TNR: variants seen among roughly 807,000 people sequenced by gnomAD.
TNR encodes tenascin-R.
A neutral mutation model predicts 150.4 loss-of-function variants in TNR; 45 were observed. The ratio of observed to expected loss-of-function variants is 0.30; its 90% CI spans 0.24 to 0.38. The LOEUF (loss-of-function observed/expected upper bound fraction) is 0.38. Ranked by LOEUF, TNR falls within the 10% of genes least tolerant of loss-of-function variation. TNR has a pLI of 1.00. For missense variants in TNR, 1,544 were observed against 1,759.1 expected (o/e 0.88, Z 2.19); for synonymous variants, 687 against 678.4 (o/e 1.01, Z -0.20).
intron 1 of TNR, among the ~76,000 whole-genome samples, chr1:175,662,396 C>T (rs569212746): frequency 1.1e-3 from 170 of 152,112 alleles, no homozygotes; most frequent in African/African-American, 4.0e-3. Context: ...CCCCTTCTCA[C>T]AATTTGACTC....
intron 1 of TNR, among the ~76,000 whole-genome samples, chr1:175,702,459 G>A (rs1666724012): frequency 6.6e-6 from 1 of 152,230 alleles, no homozygotes; most frequent in East Asian, 1.9e-4. Flanking sequence ...AGGAAGAAAG[G>A]CATCCTTGGC....
At chr1:175,645,583 T>C (rs1303177213) in intron 1 of TNR, among the ~76,000 whole-genome samples, 2 of 152,194 alleles carry the variant, frequency 1.3e-5, no homozygotes, top group Non-Finnish European at 1.5e-5. Context: ...AATGTGAAAA[T>C]GTTCTTCATG....
intron 8 of TNR, among the ~76,000 whole-genome samples, chr1:175,380,265 G>A (rs569957681): frequency 1.3e-5 from 2 of 152,304 alleles, no homozygotes; most frequent in East Asian, 3.9e-4. Flanking sequence ...AGGCTTTGGA[G>A]TCAGGCTTCC....
At chr1:175,655,919 T>C (rs756402842) in intron 1 of TNR, among the ~76,000 whole-genome samples, 54 of 152,114 alleles carry the variant, frequency 3.5e-4, no homozygotes, top group Non-Finnish European at 6.8e-4. Context: ...CTGTTCTAGG[T>C]GGCCTTGTAG....
chr1:175,510,892 A>T (rs914540772), intron 2 of TNR, among the ~76,000 whole-genome samples: 10 of 152,222 alleles, frequency 6.6e-5, no homozygotes, highest in Non-Finnish European at 2.9e-5. Flanking sequence ...CGTTCCCAAA[A>T]TTATTCAGTT....
At chr1:175,670,329 A>G (rs565545760) in intron 1 of TNR, among the ~76,000 whole-genome samples, 1 of 152,316 alleles carries the variant, frequency 6.6e-6, no homozygotes, top group African/African-American at 2.4e-5. Flanking sequence ...TAGGGCAGGA[A>G]GTCTGGTGGG....
intron 2 of TNR, among the ~76,000 whole-genome samples, chr1:175,457,543 C>T (rs1169304330): frequency 2.0e-5 from 3 of 152,168 alleles, no homozygotes; most frequent in African/African-American, 2.4e-5. Context: ...GGAAATAGCT[C>T]GTTTCTGGGG....
intron 14 of TNR, among the ~76,000 whole-genome samples, chr1:175,361,882 G>C (rs1651606324): frequency 6.6e-6 from 1 of 152,224 alleles, no homozygotes; most frequent in African/African-American, 2.4e-5. Context: ...AGACGGAGGA[G>C]CAGTGGTGCT....
At chr1:175,554,287 A>C (rs151149077) in intron 1 of TNR, among the ~76,000 whole-genome samples, 1 of 151,910 alleles carries the variant, frequency 6.6e-6, no homozygotes, top group East Asian at 1.9e-4. Flanking sequence ...GAGTGCACAA[A>C]TACATGCTTA....
intron 1 of TNR, among the ~76,000 whole-genome samples, chr1:175,663,564 G>T (rs1665442568): frequency 6.6e-6 from 1 of 152,070 alleles, no homozygotes; most frequent in Non-Finnish European, 1.5e-5. Flanking sequence ...GATGTGATAG[G>T]ATGAGAAAAA....
chr1:175,437,695 T>C (rs1417566614), intron 2 of TNR, among the ~76,000 whole-genome samples: 2 of 152,116 alleles, frequency 1.3e-5, no homozygotes, highest in Non-Finnish European at 2.9e-5. Context: ...ATAAAGAGGA[T>C]ATCACCACTG....
chr1:175,651,660 C>T (rs1374411710), intron 1 of TNR, among the ~76,000 whole-genome samples: 3 of 151,862 alleles, frequency 2.0e-5, no homozygotes, highest in Non-Finnish European at 4.4e-5. Flanking sequence ...CAAAATAATC[C>T]CTACATCATA....
chr1:175,322,724 G>A lies in TNR; in HGVS notation c.*633C>T, dbSNP rs1460711536. ...TTAAGCTCAGGAAGTCGAGGCTGTAGTGAGCTGAGATTGCACCACTGCACT... is the reference window on the plus strand; with the variant it reads ...TTAAGCTCAGGAAGTCGAGGCTGTAATGAGCTGAGATTGCACCACTGCACT... On this transcript the variant is annotated 3_prime_UTR_variant, in exon 23 of 23. Transcript: ENST00000367674. The A allele has an allele frequency of 6.6e-6, 1 of 152,330 alleles. No individual in the cohort carries two copies. The highest frequency in any genetic ancestry group is 1.5e-5 in the Non-Finnish European group (1 of 68,144). 9.4% of individuals were successfully genotyped at this position (152,330 alleles called of 1,614,324 possible).
chr1:175,635,879 T>C (rs1455414628), intron 1 of TNR, among the ~76,000 whole-genome samples: 1 of 152,034 alleles, frequency 6.6e-6, no homozygotes, highest in East Asian at 1.9e-4. Flanking sequence ...TTTAGAAATA[T>C]GAAAATCCAT....
intron 1 of TNR, among the ~76,000 whole-genome samples, chr1:175,616,146 T>A (rs1051343801): frequency 6.6e-6 from 1 of 152,186 alleles, no homozygotes; most frequent in Non-Finnish European, 1.5e-5. Context: ...CGTTTCCCCA[T>A]GCGACCCTAA....
intron 2 of TNR, among the ~76,000 whole-genome samples, chr1:175,494,353 C>T (rs1340712369): frequency 1.3e-5 from 2 of 152,216 alleles, no homozygotes; most frequent in African/African-American, 4.8e-5. Context: ...ATTCATAGTC[C>T]CCGGCACCAG....
At chr1:175,512,317 G>A (rs1167237376) in intron 2 of TNR, among the ~76,000 whole-genome samples, 2 of 152,338 alleles carry the variant, frequency 1.3e-5, no homozygotes, top group African/African-American at 2.4e-5. Context: ...CTGATTCTAA[G>A]TGTAAATTAG....
chr1:175,454,562 C>T (rs1405136749), intron 2 of TNR, among the ~76,000 whole-genome samples: 1 of 152,200 alleles, frequency 6.6e-6, no homozygotes, highest in Non-Finnish European at 1.5e-5. Flanking sequence ...CCTCCCCTCT[C>T]CTGGGTTCAA....
intron 1 of TNR, among the ~76,000 whole-genome samples, chr1:175,629,047 C>T (rs1384258035): frequency 2.6e-5 from 4 of 152,136 alleles, no homozygotes; most frequent in African/African-American, 4.8e-5. Context: ...TTCTATAGCA[C>T]CTGAGAGCTC....
Sources: allele counts gnomAD v4.1 joint callset (sites outside exome capture counted in the v4.1 genomes callset), GRCh38; gene constraint gnomAD v4.1.1; transcripts MANE v1.5; gene names NCBI Gene and HGNC (gene_info 2026-07-23, HGNC 2026-07-21).